The following DLGAP1 variants were observed in gnomAD, a reference collection of about 807,000 sequenced individuals.
DLGAP1 encodes DLG associated protein 1, also known as disks large-associated protein 1.
Under a neutral mutation model 90.8 loss-of-function variants are expected in DLGAP1, and 11 were observed. The ratio of observed to expected loss-of-function variants is 0.12; its 90% CI spans 0.08 to 0.20. DLGAP1 has a LOEUF of 0.20. Among genes scored for constraint, DLGAP1 ranks in the 10% least tolerant of loss-of-function variants. The pLI, the probability that DLGAP1 is intolerant of heterozygous loss-of-function variation, is 1.00. For synonymous variants in DLGAP1, 558 were observed against 540.7 expected (o/e 1.03, Z -0.44); for missense variants, 1,050 against 1,333.8 (o/e 0.79, Z 3.31).
intron 8 of DLGAP1, among the ~76,000 whole-genome samples, chr18:3,576,221 C>A (rs568364697): frequency 2.0e-4 from 31 of 151,892 alleles, no homozygotes; most frequent in African/African-American, 7.2e-4. Flanking sequence ...TCTGGCATCA[C>A]TCTTGCATGT....
rs539587204 is a variant in DLGAP1, at chr18:4,399,643, C to T, written c.-267+55363G>A. ...CTGTTGGGGATAAAGCCAGCACTCT[C>T]GTTCAGCACAATTAATCCCACAGGA... is the stretch of plus-strand genomic sequence containing the variant. On this transcript the variant is annotated intron_variant, in intron 1 of 12. Transcript: ENST00000315677. Among the ~76,000 whole-genome samples the T allele has an allele frequency of 1.6e-4, 24 of 152,314 alleles. 2 individuals are homozygous for T. In the South Asian group the frequency reaches 4.3e-3, roughly 28 times the overall value.
intron 3 of DLGAP1, among the ~76,000 whole-genome samples, chr18:3,947,874 T>A (rs2072907717): frequency 6.6e-6 from 1 of 152,226 alleles, no homozygotes; most frequent in Admixed American, 6.5e-5. Context: ...AACAAGTTAC[T>A]ACCTGATTTT....
chr18:4,353,492 G>C (rs895508403), intron 1 of DLGAP1, among the ~76,000 whole-genome samples: 2 of 152,202 alleles, frequency 1.3e-5, no homozygotes, highest in African/African-American at 2.4e-5. Flanking sequence ...GCAGTTTTAC[G>C]GTCTGGCTTT....
At chr18:4,166,422 T>C (rs976181683) in intron 1 of DLGAP1, among the ~76,000 whole-genome samples, 5 of 152,178 alleles carry the variant, frequency 3.3e-5, no homozygotes, top group Non-Finnish European at 7.3e-5. Context: ...TGTGCATTGC[T>C]GGTGGGAATG....
intron 1 of DLGAP1, among the ~76,000 whole-genome samples, chr18:4,207,442 C>T (rs939780956): frequency 1.5e-4 from 23 of 152,198 alleles, no homozygotes; most frequent in Non-Finnish European, 2.8e-4. Context: ...ATTCAAGATG[C>T]GATTTGGGTG....
rs76113859 is a variant in DLGAP1, at chr18:3,784,179, G to A, written c.1172+29880C>T. 5.8e-3 allele frequency among the ~76,000 whole-genome samples: 880 copies of A among 152,262 alleles called. 11 individuals carry two copies. The highest frequency in any genetic ancestry group is 0.02 in the African/African-American group (819 of 41,540). On this transcript the variant is annotated intron_variant, in intron 5 of 12. Coordinates refer to ENST00000315677, the MANE Select transcript of DLGAP1 (RefSeq NM_004746.4). Reference sequence around the variant, plus strand: ...CAAATCCATGTGTAAGTGGGAGGCCGATGAAGGGAGAAGTGTCAGCCCCCA... The same window carrying A: ...CAAATCCATGTGTAAGTGGGAGGCCAATGAAGGGAGAAGTGTCAGCCCCCA...
chr18:4,290,077 T>C lies in DLGAP1; in HGVS notation c.-266-138790A>G, dbSNP rs1268371716. Among the ~76,000 whole-genome samples the C allele has an allele frequency of 3.9e-5, 6 of 152,364 alleles. No homozygotes were observed. The South Asian group carries it at 6.2e-4, about 16-fold the overall frequency. On this transcript the variant is annotated intron_variant, in intron 1 of 12. Transcript: ENST00000315677. ...GTGCTACTACATCTGGTAAATTTTG[T>C]ATATTTCATTTCCCCTGCAAGCTTT... is the stretch of plus-strand genomic sequence containing the variant.
At chr18:3,846,078 G>GTGTGTGTA (rs2068996888) in intron 4 of DLGAP1, among the ~76,000 whole-genome samples, 1 of 150,758 alleles carries the variant, frequency 6.6e-6, no homozygotes, top group South Asian at 2.1e-4. Flanking sequence ...GTGTGTGTGT[G>GTGTGTGTA]TGTCTCATTT....
chr18:3,892,362 C>G (rs116104090), intron 3 of DLGAP1, among the ~76,000 whole-genome samples: 2,225 of 152,228 alleles, frequency 0.015, 51 homozygotes, highest in African/African-American at 0.05. Context: ...ACCCCATACC[C>G]CACACAGCTC....
chr18:3,823,514 A>G (rs565176294), intron 4 of DLGAP1, among the ~76,000 whole-genome samples: 1 of 152,328 alleles, frequency 6.6e-6, no homozygotes, highest in East Asian at 1.9e-4. Context: ...CAGAATTGAA[A>G]GACAGGTTTG....
At chr18:3,974,266 G>T (rs564176869) in intron 3 of DLGAP1, among the ~76,000 whole-genome samples, 1 of 152,010 alleles carries the variant, frequency 6.6e-6, no homozygotes, top group Non-Finnish European at 1.5e-5. Flanking sequence ...AGTAGAGACT[G>T]GGTTTCACCA....
At chr18:4,313,453 T>C (rs1414960270) in intron 1 of DLGAP1, among the ~76,000 whole-genome samples, 1 of 152,154 alleles carries the variant, frequency 6.6e-6, no homozygotes, top group Non-Finnish European at 1.5e-5. Flanking sequence ...ACCTGGTCAG[T>C]CAAGAATATT....
chr18:4,138,492 T>G (rs1052179455), intron 2 of DLGAP1, among the ~76,000 whole-genome samples: 2 of 152,074 alleles, frequency 1.3e-5, no homozygotes, highest in African/African-American at 4.8e-5. Flanking sequence ...TAAATCTCAC[T>G]CAGTCATGAT....
intron 5 of DLGAP1, among the ~76,000 whole-genome samples, chr18:3,778,252 C>T (rs1428040750): frequency 6.6e-6 from 1 of 152,012 alleles, no homozygotes; most frequent in East Asian, 1.9e-4. Flanking sequence ...ACCAGCCTGG[C>T]CAACATGGTG....
chr18:3,990,470 T>A (rs12963980), intron 3 of DLGAP1, among the ~76,000 whole-genome samples: 124,819 of 132,404 alleles, frequency 0.94, 58,857 homozygotes, highest in East Asian at 1. Flanking sequence ...AACATCACAC[T>A]CTGGGGACTG....
intron 1 of DLGAP1, among the ~76,000 whole-genome samples, chr18:4,172,058 G>A (rs1399176505): frequency 6.6e-6 from 1 of 152,078 alleles, no homozygotes; most frequent in Non-Finnish European, 1.5e-5. Flanking sequence ...TTTTCAAAGA[G>A]TTTCAGATTT....
At chr18:4,239,248 T>C (rs1340783796) in intron 1 of DLGAP1, among the ~76,000 whole-genome samples, 2 of 151,950 alleles carry the variant, frequency 1.3e-5, no homozygotes, top group Non-Finnish European at 2.9e-5. Context: ...TCATCAAGCA[T>C]GAGATGTGTG....
At chr18:4,196,727 C>T (rs1367641328) in intron 1 of DLGAP1, among the ~76,000 whole-genome samples, 1 of 152,194 alleles carries the variant, frequency 6.6e-6, no homozygotes, top group African/African-American at 2.4e-5. Context: ...TTATTTCTGG[C>T]TTTGTTATGT....
intron 2 of DLGAP1, among the ~76,000 whole-genome samples, chr18:4,106,395 C>T (rs2075868224): frequency 6.6e-6 from 1 of 152,208 alleles, no homozygotes; most frequent in African/African-American, 2.4e-5. Flanking sequence ...GCCCCCAGCC[C>T]TGCATGCATC....
Sources: gnomAD v4.1 joint callset for allele counts (sites outside exome capture counted in the v4.1 genomes callset) on GRCh38, gnomAD v4.1.1 for gene constraint, MANE v1.5 for transcripts, NCBI Gene and HGNC (gene_info 2026-07-23, HGNC 2026-07-21) for gene names.